Variants in RFPL1 observed in about 807,000 individuals in gnomAD.
RFPL1 encodes ret finger protein-like 1.
RFPL1 carries 6 observed loss-of-function variants against 9.6 expected under a neutral mutation model. The ratio of observed to expected loss-of-function variants is 0.62; its 90% confidence interval spans 0.34 to 1.23. The LOEUF is 1.23. RFPL1 is among the 50% of genes most tolerant of loss of function. The pLI is 0.03. For missense variants in RFPL1, 352 were observed against 398.4 expected (o/e 0.88, Z 0.99); for synonymous variants, 145 against 149.4 (o/e 0.97, Z 0.22).
the RFPL1 span, among the ~76,000 whole-genome samples, chr22:29,415,083 G>A: frequency 1.3e-5 from 2 of 151,752 alleles, no homozygotes; most frequent in Admixed American, 1.3e-4. Context: ...CAAAACCAAA[G>A]TGCTGATAAA....
the RFPL1 span, among the ~76,000 whole-genome samples, chr22:29,412,790 A>G: frequency 1.3e-5 from 2 of 152,052 alleles, no homozygotes; most frequent in African/African-American, 4.8e-5. Flanking sequence ...ATTGAGCCCC[A>G]CACTCATCCT....
At chr22:29,404,537 G>A in the RFPL1 span, among the ~76,000 whole-genome samples, 6 of 152,116 alleles carry the variant, frequency 3.9e-5, no homozygotes, top group Admixed American at 3.9e-4. Flanking sequence ...AAAAATAAGA[G>A]TCAGATCAAG....
At chr22:29,427,036 C>T in the RFPL1 span, among the ~76,000 whole-genome samples, 1 of 152,192 alleles carries the variant, frequency 6.6e-6, no homozygotes, top group African/African-American at 2.4e-5. Context: ...CCTTAAGTTT[C>T]CTTCCAACTT....
At chr22:29,406,819 C>G in the RFPL1 span, among the ~76,000 whole-genome samples, 1 of 152,216 alleles carries the variant, frequency 6.6e-6, no homozygotes, top group Admixed American at 6.5e-5. Flanking sequence ...ACGCCCGCTC[C>G]AAGCGCTGGT....
At chr22:29,405,978 A>G in the RFPL1 span, among the ~76,000 whole-genome samples, 43 of 150,548 alleles carry the variant, frequency 2.9e-4, no homozygotes, top group Non-Finnish European at 5.0e-4. Flanking sequence ...GCGCGGTGGC[A>G]GGCGCCTGTA....
At chr22:29,400,618 G>A in the RFPL1 span, among the ~76,000 whole-genome samples, 3 of 149,580 alleles carry the variant, frequency 2.0e-5, no homozygotes, top group Admixed American at 6.6e-5. Flanking sequence ...TCATCTTTAT[G>A]GGGGGGGAAT....
chr22:29,433,806 T>C (rs174714), upstream of RFPL1, among the ~76,000 whole-genome samples: 48,203 of 152,064 alleles, frequency 0.32, 9,425 homozygotes, highest in Middle Eastern at 0.47. Context: ...ATGGGGCCCT[T>C]GAAACATGGG....
the RFPL1 span, among the ~76,000 whole-genome samples, chr22:29,409,870 T>C: frequency 2.0e-5 from 3 of 152,116 alleles, no homozygotes; most frequent in South Asian, 4.1e-4. Context: ...CTGAGGCCAG[T>C]TGGATGATGG....
the RFPL1 span, among the ~76,000 whole-genome samples, chr22:29,412,551 T>C: frequency 2.0e-5 from 3 of 152,086 alleles, no homozygotes; most frequent in Non-Finnish European, 4.4e-5. Context: ...AGTATCAAAC[T>C]TGGGGTCTTC....
the RFPL1 span, among the ~76,000 whole-genome samples, chr22:29,388,023 TTC>T: frequency 1.3e-5 from 2 of 152,200 alleles, no homozygotes; most frequent in African/African-American, 2.4e-5. Context: ...TAGTTTTTTT[TTC>T]TTTCTTCTTT....
chr22:29,442,205 G>GT, exon 2 of RFPL1: 1 of 993,796 alleles, frequency 1.0e-6, no homozygotes, highest in Non-Finnish European at 1.5e-6. Context: ...CGGTAAAAGC[G>GT]TTATACAAAG....
At chr22:29,428,534 CAGAATCTACAT>C in the RFPL1 span, among the ~76,000 whole-genome samples, 1 of 151,998 alleles carries the variant, frequency 6.6e-6, no homozygotes, top group Non-Finnish European at 1.5e-5. Flanking sequence ...TGAACAGTTG[CAGAATCTACAT>C]TCTTCTCCTC....
chr22:29,394,621 C>T, the RFPL1 span, among the ~76,000 whole-genome samples: 3 of 152,310 alleles, frequency 2.0e-5, no homozygotes, highest in East Asian at 5.8e-4. Flanking sequence ...GGATTACAGG[C>T]GTGAGCCACT....
chr22:29,434,165 T>C (rs1283403848), upstream of RFPL1, among the ~76,000 whole-genome samples: 4 of 152,180 alleles, frequency 2.6e-5, no homozygotes, highest in Non-Finnish European at 4.4e-5. Context: ...TCTAATAGTA[T>C]AATAAATAGT....
the RFPL1 span, among the ~76,000 whole-genome samples, chr22:29,429,889 C>T: frequency 6.6e-6 from 1 of 152,136 alleles, no homozygotes; most frequent in East Asian, 1.9e-4. Context: ...CATTTATTCC[C>T]AGTATGGTAG....
At chr22:29,400,079 T>C in the RFPL1 span, among the ~76,000 whole-genome samples, 1 of 148,564 alleles carries the variant, frequency 6.7e-6, no homozygotes, top group East Asian at 2.0e-4. Flanking sequence ...CACTGCAAGC[T>C]CCGCCTCCTG....
chr22:29,429,048 G>T, the RFPL1 span, among the ~76,000 whole-genome samples: 5 of 152,016 alleles, frequency 3.3e-5, no homozygotes, highest in Non-Finnish European at 7.4e-5. Context: ...GAAAAGTTGG[G>T]TTTTTTGTCT....
At chr22:29,414,118 G>A in the RFPL1 span, among the ~76,000 whole-genome samples, 2 of 151,442 alleles carry the variant, frequency 1.3e-5, no homozygotes, top group African/African-American at 4.9e-5. Flanking sequence ...ACAATTCTTC[G>A]ACATGCCTCA....
chr22:29,442,008 C>T (rs1302355239), exon 2 of RFPL1: 2 of 1,614,136 alleles, frequency 1.2e-6, no homozygotes, highest in Non-Finnish European at 1.7e-6. Context: ...AGCCACTGCA[C>T]TTGTTTTTTG....
Sources: gnomAD v4.1 joint callset for allele counts (sites outside exome capture counted in the v4.1 genomes callset) on GRCh38, gnomAD v4.1.1 for gene constraint, MANE v1.5 for transcripts, NCBI Gene and HGNC (gene_info 2026-07-23, HGNC 2026-07-21) for gene names.